CDH19: variants seen among roughly 807,000 people sequenced by gnomAD.
CDH19 encodes cadherin-19.
A neutral mutation model predicts 64.2 loss-of-function variants in CDH19; 67 were observed. That is an observed-to-expected ratio of 1.04 (90% confidence interval 0.86 to 1.28). CDH19 has a LOEUF of 1.28. Ranked by LOEUF, CDH19 falls within the 50% of genes most tolerant of loss-of-function variation. The pLI is 0.00. For missense variants in CDH19, 1,030 were observed against 929.0 expected, an observed-to-expected ratio of 1.11 and a Z score of -1.41; for synonymous variants, 346 against 319.3, an observed-to-expected ratio of 1.08 and a Z score of -0.89.
intron 7 of CDH19, among the ~76,000 whole-genome samples, chr18:66,542,318 T>C (rs577715466): frequency 6.6e-6 from 1 of 152,226 alleles, no homozygotes; most frequent in East Asian, 1.9e-4. Context: ...TTGAGCTTTT[T>C]CATTGAGCTA....
intron 1 of CDH19, among the ~76,000 whole-genome samples, chr18:66,586,996 T>C (rs905925265): frequency 6.6e-6 from 1 of 152,076 alleles, no homozygotes; most frequent in Non-Finnish European, 1.5e-5. Flanking sequence ...ATTATTTGGA[T>C]CTTCTAATCA....
intron 4 of CDH19, among the ~76,000 whole-genome samples, chr18:66,552,582 T>C (rs1270831667): frequency 1.6e-5 from 2 of 124,380 alleles, no homozygotes; most frequent in East Asian, 2.0e-4. Context: ...GGAGTCTTTG[T>C]TCCCCATTAA....
intron 5 of CDH19, among the ~76,000 whole-genome samples, chr18:66,548,553 T>G (rs1324948217): frequency 6.6e-6 from 1 of 151,944 alleles, no homozygotes; most frequent in African/African-American, 2.4e-5. Context: ...CTAATGAGAA[T>G]GGAGCATTAA....
chr18:66,576,979 T>C (rs1158929230), intron 1 of CDH19, among the ~76,000 whole-genome samples: 1 of 151,576 alleles, frequency 6.6e-6, no homozygotes, highest in Non-Finnish European at 1.5e-5. Flanking sequence ...TATAAATAAT[T>C]CAAAGATTGG....
Position 66,504,584 on chromosome 18 carries a change from G to C in CDH19, c.*228C>G, listed in dbSNP as rs1985089339. 1 of 409,972 alleles carries C rather than the reference G, an allele frequency of 2.4e-6. No individual in the cohort carries two copies. Among genetic ancestry groups the C allele is most frequent in the African/African-American group, 2.0e-5 (1 of 50,032 alleles). The allele number at this position is 409,972 out of a possible 1,614,324, so 25.4% of individuals were successfully genotyped here. Reference sequence around the variant, plus strand: ...CCTAAATTATTTTACTTCAAATCTGGTTGTATTGATGCCTGTGAGCTGATT... The same window carrying C: ...CCTAAATTATTTTACTTCAAATCTGCTTGTATTGATGCCTGTGAGCTGATT... On this transcript the variant is annotated 3_prime_UTR_variant, in exon 12 of 12. Coordinates refer to ENST00000262150, the MANE Select transcript of CDH19 (RefSeq NM_021153.4).
At chr18:66,597,730 TAA>T (rs745494569) in intron 1 of CDH19, among the ~76,000 whole-genome samples, 2 of 151,928 alleles carry the variant, frequency 1.3e-5, no homozygotes, top group Non-Finnish European at 2.9e-5. Context: ...ATAAGGTACT[TAA>T]ACAAATCAGC....
At chr18:66,578,498 C>A (rs1427107291) in intron 1 of CDH19, among the ~76,000 whole-genome samples, 1 of 151,704 alleles carries the variant, frequency 6.6e-6, no homozygotes. Flanking sequence ...GAACATAGAG[C>A]AACTGTACCT....
intron 9 of CDH19, among the ~76,000 whole-genome samples, chr18:66,512,591 C>A: frequency 6.6e-6 from 1 of 151,382 alleles, no homozygotes; most frequent in Non-Finnish European, 1.5e-5. Context: ...CATTAGGAAA[C>A]CAATACGATC....
intron 9 of CDH19, among the ~76,000 whole-genome samples, chr18:66,514,977 G>A (rs949464942): frequency 6.6e-6 from 1 of 151,416 alleles, no homozygotes; most frequent in African/African-American, 2.4e-5. Context: ...CTACTTCCAG[G>A]ATTAGTCAAT....
At chr18:66,578,809 TACTC>T (rs1165301730) in intron 1 of CDH19, among the ~76,000 whole-genome samples, 6 of 152,020 alleles carry the variant, frequency 3.9e-5, no homozygotes, top group Non-Finnish European at 8.8e-5. Context: ...AATGTAATGA[TACTC>T]AGTAGTGAAA....
chr18:66,505,997 C>T (rs1485246392), intron 11 of CDH19, among the ~76,000 whole-genome samples: 1 of 151,780 alleles, frequency 6.6e-6, no homozygotes, highest in African/African-American at 2.4e-5. Flanking sequence ...GTTCAGTCAC[C>T]AACAGTGAAG....
chr18:66,597,440 A>G (rs1039229578), intron 1 of CDH19, among the ~76,000 whole-genome samples: 5 of 152,092 alleles, frequency 3.3e-5, no homozygotes, highest in African/African-American at 1.2e-4. Context: ...TCCTTCCACC[A>G]TATAAAAAAA....
At chr18:66,563,709 G>T (rs1987805462) in intron 3 of CDH19, among the ~76,000 whole-genome samples, 1 of 151,942 alleles carries the variant, frequency 6.6e-6, no homozygotes, top group East Asian at 1.9e-4. Context: ...ATTTATACTT[G>T]AGCTGCAATT....
intron 5 of CDH19, among the ~76,000 whole-genome samples, chr18:66,545,756 T>C (rs943845204): frequency 6.6e-6 from 1 of 152,104 alleles, no homozygotes; most frequent in Non-Finnish European, 1.5e-5. Flanking sequence ...AACGATAGTT[T>C]GATTTTGAGG....
At chr18:66,555,932 T>C (rs1177474452) in intron 3 of CDH19, among the ~76,000 whole-genome samples, 1 of 151,736 alleles carries the variant, frequency 6.6e-6, no homozygotes, top group Non-Finnish European at 1.5e-5. Context: ...TGGCTTCAGA[T>C]ACAATCATCA....
chr18:66,544,768 T>C lies in CDH19; in HGVS notation c.911A>G (p.Asp304Gly). ...TTGAGTTTCATGATTAGTAATAATG[T>C]CAAATGTTTGCGAATCATCCTCTTC... ...SIEEDDSQTF[D>G]IITNHETQEG... Residue 304 changes from aspartate (D) to glycine (G), a missense_variant, in exon 6 of 12, where the codon GAC (aspartate) becomes GGC (glycine). Physicochemically the swap from Asp to Gly is moderately conservative, Grantham distance 94 (BLOSUM62 -1). Transcript: ENST00000262150. 6.2e-7 allele frequency: 1 copy of C among 1,611,936 alleles called. No homozygotes were observed. The highest frequency in any genetic ancestry group is 1.1e-5 in the South Asian group (1 of 90,948).
intron 3 of CDH19, among the ~76,000 whole-genome samples, chr18:66,564,900 A>T (rs1987852845): frequency 6.6e-6 from 1 of 151,180 alleles, no homozygotes; most frequent in African/African-American, 2.4e-5. Context: ...GGTTTTAGGT[A>T]AAACTAGCAA....
At chr18:66,544,531 A>T (rs1598999678) in intron 6 of CDH19, among the ~76,000 whole-genome samples, 188 bp downstream of exon 6, 1 of 152,170 alleles carries the variant, frequency 6.6e-6, no homozygotes, top group African/African-American at 2.4e-5. Flanking sequence ...AATTAAAAAA[A>T]TGTTCTGCAT....
chr18:66,566,506 C>G (rs1987917318), intron 3 of CDH19, among the ~76,000 whole-genome samples: 1 of 151,788 alleles, frequency 6.6e-6, no homozygotes, highest in South Asian at 2.1e-4. Context: ...GGCGTAACAC[C>G]TTTTAGACTT....
Sources: gnomAD v4.1 joint callset for allele counts (sites outside exome capture counted in the v4.1 genomes callset) on GRCh38, gnomAD v4.1.1 for gene constraint, MANE v1.5 for transcripts, NCBI Gene and HGNC (gene_info 2026-07-23, HGNC 2026-07-21) for gene names.